Variants in PDZD4 observed in about 807,000 individuals in gnomAD.
The protein encoded by PDZD4 is PDZ domain containing 4.
Under a neutral mutation model 38.5 loss-of-function variants are expected in PDZD4, and 9 were observed. The ratio of observed to expected loss-of-function variants is 0.23; its 90% CI spans 0.14 to 0.41. The LOEUF is 0.41. Among genes scored for constraint, PDZD4 ranks in the 10% least tolerant of loss-of-function variants. PDZD4 has a pLI of 1.00. For missense variants in PDZD4, 612 were observed against 722.0 expected (o/e 0.85, Z 1.75); for synonymous variants, 349 against 315.7 (o/e 1.11, Z -1.12).
rs1441492399 is a variant in PDZD4 at position 153,803,321 on chromosome X, C to T, written c.*32G>A. The T allele has an allele frequency of 2.7e-6, 3 of 1,108,192 alleles. No individual in the cohort carries two copies. The highest frequency in any genetic ancestry group is 3.5e-6 in the Non-Finnish European group (3 of 849,735). The allele number at this position is 1,108,192 out of a possible 1,213,427, so 91.3% of individuals were successfully genotyped here. A position where few individuals can be genotyped will look rare whatever the true frequency, so the allele number is the denominator to read the frequency against. On this transcript the variant is annotated 3_prime_UTR_variant, in exon 8 of 8. Coordinates refer to ENST00000393758, the MANE Select transcript of PDZD4 (RefSeq NM_001303512.2). ...GAGGGCCGGGGCCCCAGGGGGTTCCCTGGGCCTGGGCCGTGTACCCGCCCG... is the reference window on the plus strand; with the variant it reads ...GAGGGCCGGGGCCCCAGGGGGTTCCTTGGGCCTGGGCCGTGTACCCGCCCG...
chrX:153,805,665 G>C, intron 5 of PDZD4, 59 bp from the exon 6 acceptor site: 1 of 1,022,839 alleles, frequency 9.8e-7, no homozygotes, highest in Non-Finnish European at 1.4e-6. Context: ...GGCGGACCCT[G>C]GGCGGGTGCA....
chrX:153,814,473 A>ACCCCCCCC (rs782572040), intron 1 of PDZD4, among the ~76,000 whole-genome samples: 7 of 40,357 alleles, frequency 1.7e-4, no homozygotes, highest in East Asian at 1.1e-3. Context: ...GACTCCATCC[A>ACCCCCCCC]CCCCCCACCC....
intron 1 of PDZD4, among the ~76,000 whole-genome samples, chrX:153,822,645 C>T (rs1330379442): frequency 4.0e-5 from 1 of 24,711 alleles, no homozygotes; most frequent in Non-Finnish European, 9.3e-5. Flanking sequence ...CTCTCTCTCC[C>T]TCCCTCCCTC....
Position 153,805,100 on chromosome X carries a change from C to T in PDZD4, c.777G>A (p.Gln259=). The T allele has an allele frequency of 8.3e-7, 1 of 1,210,083 alleles. No individual in the cohort carries two copies. Among genetic ancestry groups the T allele is most frequent in the Non-Finnish European group, 1.1e-6 (1 of 894,038 alleles). Residue 259 remains glutamine, a synonymous_variant, in exon 7 of 8, where the codon CAG becomes CAA. Transcript: ENST00000393758. ...RARKLKSPPA[Q]QPGNEEEKGA... ...CAGCGCCCTTTTCCTTCCTCACCTG[C>T]TGGGCAGGGGGTGATTTCAGTTTAC...
intron 2 of PDZD4, chrX:153,808,015 A>G: frequency 9.7e-7 from 1 of 1,033,948 alleles, no homozygotes; most frequent in Non-Finnish European, 1.3e-6. Flanking sequence ...CAAGGGATGC[A>G]AGAAGATTCA....
rs1557077848 is a variant in PDZD4 at position 153,808,336 on chromosome X, A to G, written c.314+6T>C. 1.7e-6 allele frequency: 2 copies of G among 1,199,475 alleles called. No homozygotes were observed. Among genetic ancestry groups the G allele is most frequent in the Non-Finnish European group, 2.3e-6 (2 of 888,887 alleles). ...AGGGCCCGGGGCCCTCCTGAGGGCG[A>G]CTCACAGCTCAGAGAGGACGTACGG... is the stretch of plus-strand genomic sequence containing the variant. On this transcript the variant is annotated splice_donor_region_variant and intron_variant, in intron 2 of 7. Transcript: ENST00000393758.
At chrX:153,807,939 G>A (rs950901197) in intron 2 of PDZD4, 235 of 986,459 alleles carry the variant, frequency 2.4e-4, no homozygotes, top group Non-Finnish European at 2.7e-4. Context: ...CCCTTCTTCC[G>A]GTCGGGCCAA....
At chrX:153,825,591 G>A (rs2064472784) in intron 1 of PDZD4, among the ~76,000 whole-genome samples, 1 of 112,467 alleles carries the variant, frequency 8.9e-6, no homozygotes, top group Non-Finnish European at 1.9e-5. Flanking sequence ...TTGGAATATA[G>A]GAATGGGGCT....
rs1569543373 is a variant in PDZD4 at position 153,808,375 on chromosome X, A to G, written c.281T>C (p.Met94Thr). The part of the protein sequence containing the change: ...LGKLRPPTPP[M>T]VILEPYVLSE... ...GAGGACGTACGGCTCCAGGATGACCATGGGCGGGGTGGGCGGACGCAGCTT... is the reference window on the plus strand; with the variant it reads ...GAGGACGTACGGCTCCAGGATGACCGTGGGCGGGGTGGGCGGACGCAGCTT... The change falls in exon 2 of 8, where the codon ATG becomes ACG. Residue 94 changes from methionine (M) to threonine (T), a missense_variant. Coordinates refer to ENST00000393758, the MANE Select transcript of PDZD4 (RefSeq NM_001303512.2). The G allele has an allele frequency of 1.2e-5, 14 of 1,209,426 alleles. No homozygotes were observed. Among genetic ancestry groups the G allele is most frequent in the Non-Finnish European group, 1.6e-5 (14 of 894,855 alleles).
Position 153,805,956 on chromosome X carries a change from T to C in PDZD4, c.567+115A>G. 3.7e-6 allele frequency: 3 copies of C among 811,495 alleles called. No individual in the cohort carries two copies. The South Asian group carries it at 6.7e-5, about 18-fold the overall frequency. The allele number at this position is 811,495 out of a possible 1,213,427, so 66.9% of individuals were successfully genotyped here. A position where few individuals can be genotyped will look rare whatever the true frequency, so the allele number is the denominator to read the frequency against. On this transcript the variant is annotated intron_variant, in intron 5 of 7. Coordinates refer to ENST00000393758, the MANE Select transcript of PDZD4 (RefSeq NM_001303512.2). ...CCGGGTTTAGGACACGGCAGGCTGCTGGGCCTCAGGGTTAGCTCTTAGTGG... is the reference window on the plus strand; with the variant it reads ...CCGGGTTTAGGACACGGCAGGCTGCCGGGCCTCAGGGTTAGCTCTTAGTGG...
At chrX:153,817,174 G>A (rs1161153790) in intron 1 of PDZD4, among the ~76,000 whole-genome samples, 2 of 111,527 alleles carry the variant, frequency 1.8e-5, no homozygotes, top group African/African-American at 6.5e-5. Flanking sequence ...AGCCAGGGAA[G>A]CAGTCTGGTG....
At chrX:153,808,092 T>C (rs1557077723) in intron 2 of PDZD4, 2 of 1,062,301 alleles carry the variant, frequency 1.9e-6, no homozygotes, top group African/African-American at 3.8e-5. Context: ...CCCTCAACCC[T>C]GGCACTTCCG....
At chrX:153,807,252 G>C (rs782360558) in intron 3 of PDZD4, 27 bp downstream of exon 3, 1 of 1,198,650 alleles carries the variant, frequency 8.3e-7, no homozygotes, top group East Asian at 3.0e-5. Flanking sequence ...AGCTGGCTGC[G>C]GGCCCTGGCC....
chrX:153,829,165 G>A (rs1191845639), intron 1 of PDZD4, among the ~76,000 whole-genome samples: 3 of 110,244 alleles, frequency 2.7e-5, no homozygotes, highest in African/African-American at 6.6e-5. Flanking sequence ...GTCAGTCCCC[G>A]GATTCCTGGG....
Position 153,805,125 on chromosome X carries a change from C to A in PDZD4, c.752G>T (p.Arg251Leu), listed in dbSNP as rs1603261203. ...CTGGGCAGGGGGTGATTTCAGTTTACGAGCACGCAGCTCCCCCTCATTCTC... is the reference window on the plus strand; with the variant it reads ...CTGGGCAGGGGGTGATTTCAGTTTAAGAGCACGCAGCTCCCCCTCATTCTC... ...GSENEGELRA[R>L]KLKSPPAQQP... is the part of the protein sequence containing the mutation. Residue 251 changes from arginine to leucine, a missense_variant, in exon 7 of 8, where the codon CGT becomes CTT. Physicochemically the swap from Arg to Leu is moderately radical, Grantham distance 102. Around this residue, in one of 3 missense-constraint regions of PDZD4, gnomAD observed 225 missense variants for 311.0 expected, o/e 0.72. Transcript: ENST00000393758. The A allele has an allele frequency of 8.3e-7, 1 of 1,211,193 alleles. No homozygotes were observed. Among genetic ancestry groups the A allele is most frequent in the South Asian group, 1.8e-5 (1 of 56,985 alleles).
chrX:153,821,704 G>A (rs1278387683), intron 1 of PDZD4, among the ~76,000 whole-genome samples: 3 of 111,192 alleles, frequency 2.7e-5, no homozygotes, highest in Non-Finnish European at 5.7e-5. Flanking sequence ...GCGCTGTACT[G>A]ACTCAGAGCG....
chrX:153,808,263 G>A (rs1204302131), intron 2 of PDZD4, 79 bp downstream of exon 2: 7 of 1,116,089 alleles, frequency 6.3e-6, no homozygotes, highest in Non-Finnish European at 8.3e-6. Flanking sequence ...CTGCCCGAGA[G>A]GGTGGCGTGC....
intron 1 of PDZD4, among the ~76,000 whole-genome samples, chrX:153,811,145 T>G (rs782362789): frequency 7.4e-5 from 8 of 108,427 alleles, no homozygotes; most frequent in African/African-American, 2.0e-4. Context: ...AGCTGTTGTT[T>G]TTTTTTTTTT....
intron 1 of PDZD4, among the ~76,000 whole-genome samples, chrX:153,819,752 G>T: frequency 8.9e-6 from 1 of 112,380 alleles, no homozygotes; most frequent in Non-Finnish European, 1.9e-5. Context: ...GGAGAAAGGA[G>T]AAGCCGCAGG....
Sources: allele counts gnomAD v4.1 joint callset (sites outside exome capture counted in the v4.1 genomes callset), GRCh38; gene constraint gnomAD v4.1.1; regional missense constraint gnomAD v4.1.1; transcripts MANE v1.5; gene names NCBI Gene and HGNC (gene_info 2026-07-23, HGNC 2026-07-21).